The following DMAP1 variants were observed in gnomAD, a reference collection of about 807,000 sequenced individuals.
DMAP1 encodes the protein DNA methyltransferase 1 associated protein 1.
A neutral mutation model predicts 52.7 loss-of-function variants in DMAP1; 26 were observed. The observed-to-expected ratio is 0.49, with a 90% CI of 0.36 to 0.68. The LOEUF (loss-of-function observed/expected upper bound fraction) is 0.68, where lower values mean the gene tolerates loss of function less well. Among genes scored for constraint, DMAP1 ranks in the 30% least tolerant of loss-of-function variants. The probability of loss-of-function intolerance (pLI) is 0.00; values close to 1 mark genes in which losing one functional copy is unlikely to be tolerated. For missense variants in DMAP1, 439 were observed against 625.2 expected (o/e 0.70, Z 3.18); for synonymous variants, 231 against 246.0 (o/e 0.94, Z 0.57).
rs143013703 is a variant in DMAP1 at position 44,214,856 on chromosome 1, A to G, written c.351A>G (p.Ala117=). ...CAATGTTCTTCCACTGGCGACGTGC[A>G]GCGGAGGAGGGCAAGGACTACCCCT... is the stretch of plus-strand genomic sequence containing the variant. ...DGAMFFHWRR[A]AEEGKDYPFA... is the part of the protein sequence containing the mutation. Residue 117 remains alanine, a synonymous_variant, in exon 3 of 10, where the codon GCA becomes GCG. Transcript: ENST00000372289. 5.0e-5 allele frequency: 80 copies of G among 1,614,210 alleles called. No individual in the cohort carries two copies. The African/African-American group carries it at 9.6e-4, about 19-fold the overall frequency.
In DMAP1 at chr1:44,218,850, C is replaced by T. The variant is rs1643847831; in HGVS notation, c.720+95C>T. On this transcript the variant is annotated intron_variant, in intron 5 of 9. Coordinates refer to ENST00000372289, the MANE Select transcript of DMAP1 (RefSeq NM_019100.5). The surrounding 1 kb of genome is among the most constrained non-coding windows in gnomAD (Gnocchi z 5.6). ...CCTCAACTCCCACTCCCAGGTCCCC[C>T]TGCCTCCCACTGATACCTTATTAAC... The T allele has an allele frequency of 6.7e-7, 1 of 1,496,044 alleles. No individual in the cohort carries two copies. 92.7% of individuals were successfully genotyped at this position (1,496,044 alleles called of 1,614,324 possible). A position where few individuals can be genotyped will look rare whatever the true frequency, so the allele number is the denominator to read the frequency against.
chr1:44,215,404 C>A, intron 3 of DMAP1: 1 of 447,226 alleles, frequency 2.2e-6, no homozygotes, highest in African/African-American at 2.0e-5. Flanking sequence ...CTATCTTCCA[C>A]CCAGTTGCCC....
Position 44,220,021 on chromosome 1 carries a change from G to A in DMAP1, c.1056G>A (p.Leu352=), listed in dbSNP as rs1249800445. 2 of 1,599,680 alleles carry A rather than the reference G, an allele frequency of 1.3e-6. No homozygotes were observed. Among genetic ancestry groups the A allele is most frequent in the East Asian group, 2.2e-5 (1 of 44,556 alleles). ...CTGCCTGCCGCCTGCCTGCAGAGCT[G>A]AGCCCGACACCTACGGAGGAGCTGG... ...EQMLLELGVE[L]SPTPTEELVH... Residue 352 remains leucine (L), a synonymous_variant, in exon 9 of 10, where the codon CTG becomes CTA. Transcript: ENST00000372289.
At chr1:44,220,519 T>TG (rs756641928) in intron 9 of DMAP1, 40 bp from the exon 10 acceptor site, 35 of 1,614,044 alleles carry the variant, frequency 2.2e-5, no homozygotes, top group Admixed American at 6.7e-5. Context: ...ACTCAGGCCT[T>TG]GGGGGGTCAC....
chr1:44,214,852 G>A lies in DMAP1; in HGVS notation c.347G>A (p.Arg116His), dbSNP rs755233632. ...KDGAMFFHWRRAAEEGKDYPF... is the reference protein window; with the variant it reads ...KDGAMFFHWRHAAEEGKDYPF... The stretch of plus-strand genomic sequence containing the variant: ...GGAGCAATGTTCTTCCACTGGCGAC[G>A]TGCAGCGGAGGAGGGCAAGGACTAC... The change falls in exon 3 of 10, where the codon CGT becomes CAT. Residue 116 changes from arginine to histidine, a missense_variant. Physicochemically the swap from Arg to His is conservative, Grantham distance 29 (BLOSUM62 0). Transcript: ENST00000372289. 1.2e-6 allele frequency: 2 copies of A among 1,614,186 alleles called. No homozygotes were observed. Among genetic ancestry groups the A allele is most frequent in the South Asian group, 1.1e-5 (1 of 91,092 alleles).
rs763166810 is a variant in DMAP1, at chr1:44,218,380, G to A, written c.463G>A (p.Ala155Thr). 3.1e-6 allele frequency: 5 copies of A among 1,614,214 alleles called. No individual in the cohort carries two copies. The South Asian group carries it at 5.5e-5, about 18-fold the overall frequency. ...LYLHDDAWTK[A>T]ETDHLFDLSR... is the part of the protein sequence containing the mutation. ...TCTCCACGATGATGCTTGGACTAAG[G>A]CAGAAACTGACCACCTCTTTGACCT... The change falls in exon 4 of 10, where the codon GCA (alanine) becomes ACA (threonine). Residue 155 changes from alanine to threonine, a missense_variant. Ala to Thr is a moderately conservative substitution (Grantham distance 58). Transcript: ENST00000372289. The surrounding 1 kb of genome is among the most constrained non-coding windows in gnomAD (Gnocchi z 5.6).
chr1:44,215,001 T>C (rs776293454), intron 3 of DMAP1, 103 bp downstream of exon 3: 2 of 1,325,994 alleles, frequency 1.5e-6, no homozygotes, highest in Non-Finnish European at 2.1e-6. Context: ...GGCACGCTTA[T>C]GCCCAACTGT....
chr1:44,219,550 C>A, intron 7 of DMAP1, 73 bp downstream of exon 7: 1 of 1,434,240 alleles, frequency 7.0e-7, no homozygotes, highest in Non-Finnish European at 9.4e-7. Context: ...CCAAACGCTG[C>A]AGGCAGGTGG....
chr1:44,214,264 C>A, intron 1 of DMAP1, 86 bp from the exon 2 acceptor site: 1 of 1,270,468 alleles, frequency 7.9e-7, no homozygotes, highest in Non-Finnish European at 1.1e-6. Context: ...CCTGTAGGTG[C>A]TGCTTTGTTC....
chr1:44,214,035 G>T (rs1303016281), intron 1 of DMAP1, among the ~76,000 whole-genome samples, 177 bp downstream of exon 1: 3 of 152,258 alleles, frequency 2.0e-5, no homozygotes, highest in Non-Finnish European at 4.4e-5. Flanking sequence ...ATGGGACATC[G>T]TGGGAGATGG....
rs1223929711 is a variant in DMAP1, at chr1:44,218,684, G to C, written c.649G>C (p.Val217Leu). The change falls in exon 5 of 10, where the codon GTA (valine) becomes CTA (leucine). Residue 217 changes from valine (V) to leucine (L), a missense_variant. Physicochemically the swap from Val to Leu is conservative, Grantham distance 32 (BLOSUM62 1). Transcript: ENST00000372289. This position sits in a 1 kb window ranked among gnomAD's most constrained non-coding sequence, Gnocchi z 5.6. ...GCCAGGCACAGACCTTAAGATACCA[G>C]TATTTGATGCTGGGCACGAACGACG... ...AVPGTDLKIP[V>L]FDAGHERRRK... The C allele has an allele frequency of 6.2e-7, 1 of 1,613,944 alleles. No individual in the cohort carries two copies. The highest frequency in any genetic ancestry group is 8.5e-7 in the Non-Finnish European group (1 of 1,179,862).
At chr1:44,220,400 G>A in intron 9 of DMAP1, 91 bp downstream of exon 9, 1 of 1,528,732 alleles carries the variant, frequency 6.5e-7, no homozygotes, top group Non-Finnish European at 8.8e-7. Flanking sequence ...TCTAGTGCCT[G>A]CAGCAGGAAC....
In DMAP1 at chr1:44,213,604, G is replaced by A. The variant is rs753070197; in HGVS notation, c.-150G>A. The A allele has an allele frequency of 1.5e-6, 1 of 657,098 alleles. No individual in the cohort carries two copies. The highest frequency in any genetic ancestry group is 2.6e-6 in the Non-Finnish European group (1 of 379,972). 40.7% of individuals were successfully genotyped at this position (657,098 alleles called of 1,614,324 possible). The stretch of plus-strand genomic sequence containing the variant: ...AGCGGTGGGGCACAGGCAGATCCCC[G>A]ACCTGACCTGGACCACCCTTCTCCT... On this transcript the variant is annotated 5_prime_UTR_variant, in exon 1 of 10. Coordinates refer to ENST00000372289, the MANE Select transcript of DMAP1 (RefSeq NM_019100.5). This position sits in a 1 kb window ranked among gnomAD's most constrained non-coding sequence, Gnocchi z 4.5.
chr1:44,215,920 C>T lies in DMAP1; in HGVS notation c.393+1022C>T, dbSNP rs374002226. 3.1e-3 allele frequency: 480 copies of T among 153,034 alleles called. 3 individuals are homozygous for T. Among genetic ancestry groups the T allele is most frequent in the Non-Finnish European group, 3.0e-3 (209 of 68,632 alleles). The allele number at this position is 153,034 out of a possible 1,614,324, so 9.5% of individuals were successfully genotyped here. On this transcript the variant is annotated intron_variant, in intron 3 of 9. Transcript: ENST00000372289. ...GTACAGTGTGGCCTCACAGCTGCTGCGGCCTGGAATAGCCTAGACTTAGAT... is the reference window on the plus strand; with the variant it reads ...GTACAGTGTGGCCTCACAGCTGCTGTGGCCTGGAATAGCCTAGACTTAGAT...
intron 3 of DMAP1, chr1:44,217,771 A>G: frequency 9.8e-6 from 2 of 203,072 alleles, no homozygotes; most frequent in Non-Finnish European, 2.1e-5. Context: ...TCTCTGGGGG[A>G]GGTCTGTGGA....
chr1:44,213,880 G>C lies in DMAP1; in HGVS notation c.105+22G>C, dbSNP rs1643732391. The C allele has an allele frequency of 6.4e-7, 1 of 1,561,934 alleles. No homozygotes were observed. The highest frequency in any genetic ancestry group is 8.7e-7 in the Non-Finnish European group (1 of 1,152,716). On this transcript the variant is annotated intron_variant, in intron 1 of 9. Transcript: ENST00000372289. This position sits in a 1 kb window ranked among gnomAD's most constrained non-coding sequence, Gnocchi z 4.5. The stretch of plus-strand genomic sequence containing the variant: ...CAAGGTAGCAGGGGCACCTGAAAGC[G>C]TTGACTAGGGGAGGGTAGGGGAGTG...
In DMAP1 at chr1:44,220,669, T is replaced by C. The variant is rs556929603; in HGVS notation, c.*51T>C. Reference sequence around the variant, plus strand: ...CTGTTATGTAAATAGAGCTGCTGAGTTGGACCAGGCTGCTTCCTTTTCCTT... The same window carrying C: ...CTGTTATGTAAATAGAGCTGCTGAGCTGGACCAGGCTGCTTCCTTTTCCTT... On this transcript the variant is annotated 3_prime_UTR_variant, in exon 10 of 10. Transcript: ENST00000372289. 1 of 1,609,110 alleles carries C rather than the reference T, an allele frequency of 6.2e-7. No homozygotes were observed. Among genetic ancestry groups the C allele is most frequent in the Non-Finnish European group, 8.5e-7 (1 of 1,176,652 alleles).
In DMAP1 at chr1:44,219,747, C is replaced by T; in HGVS notation, c.979-59C>T. The T allele has an allele frequency of 1.9e-6, 3 of 1,589,872 alleles. No homozygotes were observed. The South Asian group carries it at 3.4e-5, about 18-fold the overall frequency. On this transcript the variant is annotated intron_variant, in intron 7 of 9. Coordinates refer to ENST00000372289, the MANE Select transcript of DMAP1 (RefSeq NM_019100.5). ...ACCATCTTTCCCTCTGCCTTTTGTC[C>T]CCTTCATCCTAAGCCTCTTGTGGCT...
Position 44,220,587 on chromosome 1 carries a change from C to T in DMAP1, c.1373C>T (p.Ser458Leu), listed in dbSNP as rs1643883100. The change falls in exon 10 of 10, where the codon TCA becomes TTA. Residue 458 changes from serine to leucine, a missense_variant. Ser to Leu is a moderately radical substitution (Grantham distance 145). Around this residue, in one of 3 missense-constraint regions of DMAP1, gnomAD observed 179 missense variants for 285.9 expected, o/e 0.63. Transcript: ENST00000372289. ...SRKRRESASSSSSVKKAKKP is the reference protein window; with the variant it reads ...SRKRRESASSLSSVKKAKKP ...AAGCGACGGGAGTCGGCCTCCAGCT[C>T]ATCTTCCGTGAAGAAAGCCAAGAAG... The T allele has an allele frequency of 6.2e-7, 1 of 1,614,216 alleles. No individual in the cohort carries two copies. The highest frequency in any genetic ancestry group is 8.5e-7 in the Non-Finnish European group (1 of 1,180,040).
Sources: allele counts gnomAD v4.1 joint callset (sites outside exome capture counted in the v4.1 genomes callset), GRCh38; gene constraint gnomAD v4.1.1; regional missense constraint gnomAD v4.1.1; non-coding constraint Gnocchi (gnomAD v3.1); transcripts MANE v1.5; gene names NCBI Gene and HGNC (gene_info 2026-07-23, HGNC 2026-07-21).